The following INTS9 variants were observed in gnomAD, a reference collection of about 807,000 sequenced individuals.
INTS9 encodes integrator complex subunit 9.
A neutral mutation model predicts 79.7 loss-of-function variants in INTS9; 55 were observed. The ratio of observed to expected loss-of-function variants is 0.69; its 90% CI spans 0.56 to 0.86. INTS9 has a LOEUF of 0.86. Among genes scored for constraint, INTS9 ranks in the 40% least tolerant of loss-of-function variants. INTS9 has a pLI of 0.00. For missense variants in INTS9, 721 were observed against 831.5 expected (o/e 0.87, Z 1.64); for synonymous variants, 319 against 325.2 (o/e 0.98, Z 0.20).
At chr8:28,769,178 A>C (rs73551138) in intron 16 of INTS9, among the ~76,000 whole-genome samples, 6,654 of 152,290 alleles carry the variant, frequency 0.044, 447 homozygotes, top group African/African-American at 0.15. Flanking sequence ...TTAAGATTTG[A>C]AAGTCGGCAA....
At chr8:28,796,764 A>G (rs1804241029) in intron 8 of INTS9, 109 bp from the exon 9 acceptor site, 2 of 742,446 alleles carry the variant, frequency 2.7e-6, no homozygotes, top group Non-Finnish European at 4.7e-6. Context: ...TTAACCCATC[A>G]TCGAGTTCTC....
intron 8 of INTS9, among the ~76,000 whole-genome samples, chr8:28,802,017 C>G (rs1804555761): frequency 1.3e-5 from 2 of 152,204 alleles, no homozygotes; most frequent in South Asian, 4.1e-4. Flanking sequence ...ATTGTGCCAG[C>G]TCTAGGAGAC....
At chr8:28,837,838 A>T in intron 4 of INTS9, 62 bp from the exon 5 acceptor site, 2 of 1,488,106 alleles carry the variant, frequency 1.3e-6, no homozygotes, top group Non-Finnish European at 1.8e-6. Flanking sequence ...TGATGTGACT[A>T]AAAAACGACG....
At chr8:28,803,410 T>C (rs893086358) in intron 8 of INTS9, among the ~76,000 whole-genome samples, 6 of 152,266 alleles carry the variant, frequency 3.9e-5, no homozygotes, top group Non-Finnish European at 8.8e-5. Flanking sequence ...TTGCTAGTTA[T>C]TGCCAATACG....
At chr8:28,883,677 CT>C (rs530138198) in intron 1 of INTS9, among the ~76,000 whole-genome samples, 36 of 152,306 alleles carry the variant, frequency 2.4e-4, no homozygotes, top group African/African-American at 8.2e-4. Flanking sequence ...TGTAATACTG[CT>C]TGAATTGGAC....
chr8:28,795,112 ACTT>A (rs774118069), intron 9 of INTS9, among the ~76,000 whole-genome samples: 3 of 152,228 alleles, frequency 2.0e-5, no homozygotes, highest in Non-Finnish European at 2.9e-5. Flanking sequence ...TAAGATGACC[ACTT>A]CTTCTTCCTA....
intron 2 of INTS9, 92 bp from the exon 3 acceptor site, chr8:28,850,365 A>G: frequency 1.0e-6 from 1 of 977,710 alleles, no homozygotes; most frequent in South Asian, 1.6e-5. Flanking sequence ...AAAGTTAAGA[A>G]CAGTTTAAAA....
At position 28,887,785 on chromosome 8, in the gene INTS9, G is replaced by T. The variant is rs1348160620; in HGVS notation, c.9+2089C>A. ...TAATACATAGTTGCAAAGTAAAGAGGGAGTATGAGTATCAATAGAATACTT... is the reference window on the plus strand; with the variant it reads ...TAATACATAGTTGCAAAGTAAAGAGTGAGTATGAGTATCAATAGAATACTT... On this transcript the variant is annotated intron_variant, in intron 1 of 16. Coordinates refer to ENST00000521022, the MANE Select transcript of INTS9 (RefSeq NM_018250.4). Among the ~76,000 whole-genome samples, 3 of 152,242 alleles carry T rather than the reference G, an allele frequency of 2.0e-5. No homozygotes were observed. The East Asian group carries it at 5.8e-4, about 29-fold the overall frequency.
At chr8:28,804,460 AC>A (rs1163543618) in intron 8 of INTS9, among the ~76,000 whole-genome samples, 1 of 150,516 alleles carries the variant, frequency 6.6e-6, no homozygotes, top group African/African-American at 2.4e-5. Context: ...AAGGTTCAAT[AC>A]CCCCCGCCCC....
intron 11 of INTS9, chr8:28,783,582 T>C (rs1238799327): frequency 1.3e-5 from 2 of 152,188 alleles, no homozygotes; most frequent in Non-Finnish European, 2.9e-5. Flanking sequence ...GAATAGGACA[T>C]ACCCCAAACA....
Position 28,837,654 on chromosome 8 carries a change from G to A in INTS9, c.384C>T (p.Pro128=). The change falls in exon 5 of 17, where the codon CCC becomes CCT. Residue 128 remains proline (P), a synonymous_variant. Coordinates refer to ENST00000521022, the MANE Select transcript of INTS9 (RefSeq NM_018250.4). Reference sequence around the variant, plus strand: ...CCTCTCACCTGCCGATCTGGACGGTGGGTTCCGTGGCATACACTGTGCCTG... The same window carrying A: ...CCTCTCACCTGCCGATCTGGACGGTAGGTTCCGTGGCATACACTGTGCCTG... ...GFTGTVYATE[P]TVQIGRLLME... 1 of 1,613,278 alleles carries A rather than the reference G, an allele frequency of 6.2e-7. No homozygotes were observed. The highest frequency in any genetic ancestry group is 8.5e-7 in the Non-Finnish European group (1 of 1,179,938).
intron 1 of INTS9, among the ~76,000 whole-genome samples, chr8:28,880,469 C>T (rs12542514): frequency 6.6e-6 from 1 of 152,052 alleles, no homozygotes; most frequent in African/African-American, 2.4e-5. Flanking sequence ...ATGTGTTGGC[C>T]GGGCTGGTCT....
chr8:28,780,848 A>G lies in INTS9; in HGVS notation c.1245T>C (p.Ser415=), dbSNP rs377391616. The change falls in exon 12 of 17, where the codon TCT becomes TCC. Residue 415 remains serine, a synonymous_variant. Coordinates refer to ENST00000521022, the MANE Select transcript of INTS9 (RefSeq NM_018250.4). ...CCGTGAATATGACGGTATTGAGACT[A>G]GATTTTCCCCAGAGCTCCATGAAGT... The part of the protein sequence containing the change: ...VVHFMELWGK[S]SLNTVIFTEP... 14 of 1,614,168 alleles carry G rather than the reference A, an allele frequency of 8.7e-6. No individual in the cohort carries two copies. The highest frequency in any genetic ancestry group is 1.3e-5 in the African/African-American group (1 of 75,050).
intron 12 of INTS9, among the ~76,000 whole-genome samples, chr8:28,779,885 A>G (rs911907736): frequency 6.6e-6 from 1 of 151,930 alleles, no homozygotes; most frequent in African/African-American, 2.4e-5. Context: ...CTAGGAAGGG[A>G]GCTGGTGACA....
At chr8:28,787,356 G>A (rs562622707) in intron 11 of INTS9, among the ~76,000 whole-genome samples, 1 of 152,258 alleles carries the variant, frequency 6.6e-6, no homozygotes, top group African/African-American at 2.4e-5. Flanking sequence ...ATTTAAAAAG[G>A]TAGTAATATG....
intron 1 of INTS9, among the ~76,000 whole-genome samples, chr8:28,886,213 A>G (rs2131401699): frequency 6.6e-6 from 1 of 152,328 alleles, no homozygotes; most frequent in African/African-American, 2.4e-5. Flanking sequence ...AAACTTAAAA[A>G]AAATTTTTTT....
At chr8:28,886,404 C>T (rs1585545612) in intron 1 of INTS9, among the ~76,000 whole-genome samples, 1 of 152,070 alleles carries the variant, frequency 6.6e-6, no homozygotes, top group African/African-American at 2.4e-5. Context: ...CATGCCACGA[C>T]GCTCAGCTAG....
intron 1 of INTS9, chr8:28,862,304 T>A: frequency 1.2e-6 from 1 of 862,808 alleles, no homozygotes; most frequent in Non-Finnish European, 1.4e-6. Context: ...TCTTTTTTCA[T>A]ATTTGTAAAA....
At chr8:28,828,708 T>A (rs1162570606) in intron 6 of INTS9, among the ~76,000 whole-genome samples, 3 of 152,184 alleles carry the variant, frequency 2.0e-5, no homozygotes, top group Non-Finnish European at 4.4e-5. Context: ...AAGTCTTTTT[T>A]TTTTTTTGAG....
Sources: gnomAD v4.1 joint callset for allele counts (sites outside exome capture counted in the v4.1 genomes callset) on GRCh38, gnomAD v4.1.1 for gene constraint, MANE v1.5 for transcripts, NCBI Gene and HGNC (gene_info 2026-07-23, HGNC 2026-07-21) for gene names.